Variants in PARVA observed in about 807,000 individuals in gnomAD.
PARVA encodes the protein alpha-parvin.
A neutral mutation model predicts 52.6 loss-of-function variants in PARVA; 25 were observed. The observed-to-expected ratio is 0.48, with a 90% CI of 0.35 to 0.66. PARVA has a LOEUF of 0.66. Ranked by LOEUF, PARVA falls within the 30% of genes least tolerant of loss-of-function variation. PARVA has a pLI of 0.01. For missense variants in PARVA, 373 were observed against 450.9 expected (o/e 0.83, Z 1.56); for synonymous variants, 185 against 179.1 (o/e 1.03, Z -0.26).
intron 1 of PARVA, among the ~76,000 whole-genome samples, chr11:12,433,957 C>T (rs1249259722): frequency 6.6e-6 from 1 of 152,160 alleles, no homozygotes; most frequent in Non-Finnish European, 1.5e-5. Context: ...GTTACCAGGC[C>T]TCTCTGTTTC....
chr11:12,385,681 C>G (rs1939562681), intron 1 of PARVA, among the ~76,000 whole-genome samples: 2 of 152,152 alleles, frequency 1.3e-5, no homozygotes, highest in Non-Finnish European at 2.9e-5. Context: ...GACAATAGGT[C>G]AATTAACAAG....
intron 1 of PARVA, among the ~76,000 whole-genome samples, chr11:12,414,096 G>C (rs984511975): frequency 6.6e-6 from 1 of 152,186 alleles, no homozygotes; most frequent in Non-Finnish European, 1.5e-5. Flanking sequence ...CAAGCTCTGG[G>C]ACTCTCCCCG....
At chr11:12,444,081 C>G (rs916998735) in intron 1 of PARVA, among the ~76,000 whole-genome samples, 2 of 152,204 alleles carry the variant, frequency 1.3e-5, no homozygotes, top group African/African-American at 4.8e-5. Flanking sequence ...AGGTTTGCAG[C>G]TTCCTACCCA....
chr11:12,422,172 A>C (rs138984235), intron 1 of PARVA, among the ~76,000 whole-genome samples: 101 of 152,276 alleles, frequency 6.6e-4, no homozygotes, highest in African/African-American at 2.3e-3. Context: ...TAAAGTTTTA[A>C]ATAATGTCAT....
chr11:12,431,212 C>T (rs1940310515), intron 1 of PARVA, among the ~76,000 whole-genome samples: 1 of 152,222 alleles, frequency 6.6e-6, no homozygotes, highest in African/African-American at 2.4e-5. Context: ...CTGGGGCCTG[C>T]CAGACCCTCC....
chr11:12,513,084 T>C (rs1941522161), intron 8 of PARVA: 2 of 683,956 alleles, frequency 2.9e-6, no homozygotes, highest in Admixed American at 2.0e-5. Flanking sequence ...AATGTACACA[T>C]GCACGGACAC....
intron 4 of PARVA, among the ~76,000 whole-genome samples, chr11:12,494,002 C>T (rs1240347980): frequency 6.6e-6 from 1 of 152,194 alleles, no homozygotes; most frequent in Non-Finnish European, 1.5e-5. Context: ...CAGGGGTTTC[C>T]AAAACCCTTT....
At chr11:12,502,166 G>C (rs1941370731) in intron 5 of PARVA, among the ~76,000 whole-genome samples, 1 of 152,170 alleles carries the variant, frequency 6.6e-6, no homozygotes, top group South Asian at 2.1e-4. Flanking sequence ...GGAAGGCTAG[G>C]AGTTCAGAGC....
chr11:12,461,750 GC>G (rs1489644960), intron 1 of PARVA, among the ~76,000 whole-genome samples: 6 of 152,192 alleles, frequency 3.9e-5, no homozygotes, highest in African/African-American at 1.4e-4. Context: ...ACTCTGCAGA[GC>G]CTATGAAACA....
intron 10 of PARVA, among the ~76,000 whole-genome samples, chr11:12,516,824 A>C (rs1941573662): frequency 6.6e-6 from 1 of 152,198 alleles, no homozygotes; most frequent in African/African-American, 2.4e-5. Context: ...TCCCTGTTTT[A>C]CAGATAAGAC....
chr11:12,509,235 G>C (rs1941474369), intron 7 of PARVA, among the ~76,000 whole-genome samples: 1 of 152,078 alleles, frequency 6.6e-6, no homozygotes, highest in South Asian at 2.1e-4. Context: ...CCCATGCAAA[G>C]TCAGGCAGTT....
intron 3 of PARVA, 32 bp from the exon 4 acceptor site, chr11:12,477,815 C>G: frequency 8.8e-7 from 1 of 1,131,100 alleles, no homozygotes; most frequent in Non-Finnish European, 1.4e-6. Context: ...TCTTTTCTTA[C>G]TATTGCACAT....
chr11:12,496,252 C>A (rs1941296071), intron 4 of PARVA, among the ~76,000 whole-genome samples: 1 of 149,752 alleles, frequency 6.7e-6, no homozygotes, highest in Non-Finnish European at 1.5e-5. Flanking sequence ...GATCATGAGG[C>A]TCTCACAGTA....
chr11:12,534,228 CATT>C lies in PARVA; in HGVS notation c.*6304_*6306del, dbSNP rs769307947. Reference sequence around the variant, plus strand: ...ACAAGTGGACCTGCCCAGTTCAAATCATTGTTGTTCAAGGGTCAATTGTATATT... The same window carrying C: ...ACAAGTGGACCTGCCCAGTTCAAATCGTTGTTCAAGGGTCAATTGTATATT... On this transcript the variant is annotated 3_prime_UTR_variant, in exon 13 of 13. Coordinates refer to ENST00000334956, the MANE Select transcript of PARVA (RefSeq NM_018222.5). Among the ~76,000 whole-genome samples the C allele has an allele frequency of 4.6e-5, 7 of 152,290 alleles. No homozygotes were observed. Among genetic ancestry groups the C allele is most frequent in the African/African-American group, 1.4e-4 (6 of 41,554 alleles).
At chr11:12,381,255 G>A (rs941947183) in intron 1 of PARVA, among the ~76,000 whole-genome samples, 1 of 152,176 alleles carries the variant, frequency 6.6e-6, no homozygotes, top group Non-Finnish European at 1.5e-5. Context: ...TAATAATAAG[G>A]CCGGATCTTG....
intron 1 of PARVA, among the ~76,000 whole-genome samples, chr11:12,396,295 G>T (rs909601613): frequency 2.0e-4 from 31 of 152,276 alleles, no homozygotes; most frequent in African/African-American, 6.5e-4. Flanking sequence ...TTATTAATAA[G>T]ATAAATCAAC....
At chr11:12,512,595 G>A (rs12799890) in intron 8 of PARVA, among the ~76,000 whole-genome samples, 84,282 of 152,086 alleles carry the variant, frequency 0.55, 23,491 homozygotes, top group East Asian at 0.64. Context: ...TATTTTCTAT[G>A]ATCCTGATAT....
chr11:12,478,345 A>G (rs1941042832), intron 4 of PARVA: 1 of 341,894 alleles, frequency 2.9e-6, no homozygotes, highest in Admixed American at 4.0e-5. Flanking sequence ...CTTCAGATGC[A>G]TGTGTGTGTG....
intron 1 of PARVA, among the ~76,000 whole-genome samples, chr11:12,439,983 ACAAC>A (rs754242838): frequency 4.3e-4 from 65 of 152,158 alleles, no homozygotes; most frequent in Middle Eastern, 6.8e-3. Context: ...GCTTTCTCTT[ACAAC>A]CTGTCACTGC....
Sources: gnomAD v4.1 joint callset for allele counts (sites outside exome capture counted in the v4.1 genomes callset) on GRCh38, gnomAD v4.1.1 for gene constraint, MANE v1.5 for transcripts, NCBI Gene and HGNC (gene_info 2026-07-23, HGNC 2026-07-21) for gene names.